TENM3: variants seen among roughly 807,000 people sequenced by gnomAD.
TENM3 encodes teneurin-3.
A neutral mutation model predicts 255.1 loss-of-function variants in TENM3; 63 were observed. That is an observed-to-expected ratio of 0.25 (90% confidence interval 0.20 to 0.30). The LOEUF is 0.30. TENM3 is among the 10% of genes least tolerant of loss of function. The pLI is 1.00. For synonymous variants in TENM3, 1,306 were observed against 1,322.3 expected, an observed-to-expected ratio of 0.99 and a Z score of 0.27; for missense variants, 2,929 against 3,461.1, an observed-to-expected ratio of 0.85 and a Z score of 3.86.
Position 182,357,266 on chromosome 4 carries a change from A to G in TENM3, c.511+10337A>G, listed in dbSNP as rs867694774. ...GATGGCTGGGTCAAATGGTATTTCT[A>G]GTTCTAGATCCCTGAGGAATCGCCA... is the stretch of plus-strand genomic sequence containing the variant. On this transcript the variant is annotated intron_variant, in intron 3 of 27. Transcript: ENST00000511685. Among the ~76,000 whole-genome samples, 771 of 151,528 alleles carry G rather than the reference A, an allele frequency of 5.1e-3. 8 individuals carry two copies. The highest frequency in any genetic ancestry group is 0.014 in the African/African-American group (569 of 41,266).
the TENM3 span, among the ~76,000 whole-genome samples, chr4:182,066,838 G>A: frequency 1.3e-5 from 2 of 152,080 alleles, no homozygotes; most frequent in Non-Finnish European, 2.9e-5. Context: ...GTGAACCCGG[G>A]AGGCGGAGCT....
At chr4:181,938,538 T>G in the TENM3 span, among the ~76,000 whole-genome samples, 1 of 152,224 alleles carries the variant, frequency 6.6e-6, no homozygotes, top group Non-Finnish European at 1.5e-5. Flanking sequence ...AGTGACAGTA[T>G]CACTTAGTAG....
the TENM3 span, among the ~76,000 whole-genome samples, chr4:181,544,299 A>G: frequency 6.6e-6 from 1 of 151,330 alleles, no homozygotes; most frequent in African/African-American, 2.4e-5. Context: ...AAAATAAACG[A>G]ATTTCTGATC....
chr4:182,364,541 C>T (rs1338136322), intron 3 of TENM3, among the ~76,000 whole-genome samples: 1 of 152,048 alleles, frequency 6.6e-6, no homozygotes, highest in Non-Finnish European at 1.5e-5. Context: ...CTCAGCCTCC[C>T]GAGTAGCTGG....
intron 5 of TENM3, among the ~76,000 whole-genome samples, chr4:182,632,108 T>C (rs1454713375): frequency 3.3e-5 from 5 of 152,208 alleles, no homozygotes; most frequent in African/African-American, 1.2e-4. Context: ...CATGTACATA[T>C]ACAGCTAGAG....
the TENM3 span, among the ~76,000 whole-genome samples, chr4:181,938,725 TG>T: frequency 6.6e-6 from 1 of 152,214 alleles, no homozygotes; most frequent in Non-Finnish European, 1.5e-5. Flanking sequence ...TCTTGTGCCC[TG>T]GAGAATTAGG....
chr4:181,695,550 A>T, the TENM3 span, among the ~76,000 whole-genome samples: 1 of 152,242 alleles, frequency 6.6e-6, no homozygotes, highest in African/African-American at 2.4e-5. Context: ...TTCCACTGGC[A>T]TGTTCTCTCC....
chr4:182,315,737 T>C (rs1762718315), intron 1 of TENM3, among the ~76,000 whole-genome samples: 1 of 152,212 alleles, frequency 6.6e-6, no homozygotes, highest in East Asian at 1.9e-4. Context: ...TATATTGGTC[T>C]CTTAAAGTAG....
chr4:181,641,788 T>C, the TENM3 span, among the ~76,000 whole-genome samples: 1 of 104,430 alleles, frequency 9.6e-6, no homozygotes, highest in East Asian at 2.7e-4. Flanking sequence ...ACACACCATA[T>C]ATATATACAC....
chr4:181,893,813 T>C, the TENM3 span, among the ~76,000 whole-genome samples: 1 of 152,160 alleles, frequency 6.6e-6, no homozygotes, highest in African/African-American at 2.4e-5. Flanking sequence ...TCCCACACTA[T>C]ACAGAGCCAT....
chr4:182,072,920 G>A, the TENM3 span, among the ~76,000 whole-genome samples: 1 of 152,124 alleles, frequency 6.6e-6, no homozygotes, highest in Non-Finnish European at 1.5e-5. Flanking sequence ...TGTAATTAAG[G>A]TGAAATGAGA....
At chr4:181,783,642 T>A in the TENM3 span, among the ~76,000 whole-genome samples, 1 of 152,330 alleles carries the variant, frequency 6.6e-6, no homozygotes, top group East Asian at 1.9e-4. Flanking sequence ...ATATTGAATT[T>A]TCTGAACCAA....
chr4:182,079,411 G>C, the TENM3 span, among the ~76,000 whole-genome samples: 3,992 of 152,170 alleles, frequency 0.026, 81 homozygotes, highest in Non-Finnish European at 0.04. Flanking sequence ...AGCTACTCAG[G>C]AGGCTGAGGC....
At chr4:182,083,883 T>C in the TENM3 span, among the ~76,000 whole-genome samples, 2 of 152,058 alleles carry the variant, frequency 1.3e-5, no homozygotes, top group Non-Finnish European at 2.9e-5. Flanking sequence ...CCTGGGGAGA[T>C]CTGTAGGAAA....
chr4:182,030,506 A>G, the TENM3 span, among the ~76,000 whole-genome samples: 1 of 152,152 alleles, frequency 6.6e-6, no homozygotes, highest in East Asian at 1.9e-4. Flanking sequence ...GGTTGATTCC[A>G]TGTTTTTGCT....
the TENM3 span, among the ~76,000 whole-genome samples, chr4:181,493,100 G>A: frequency 6.6e-6 from 1 of 151,794 alleles, no homozygotes; most frequent in African/African-American, 2.4e-5. Flanking sequence ...AGGTGTGCAG[G>A]GATTATCTTC....
the TENM3 span, among the ~76,000 whole-genome samples, chr4:181,945,476 G>T: frequency 6.6e-6 from 1 of 152,052 alleles, no homozygotes; most frequent in Non-Finnish European, 1.5e-5. Context: ...ATTGGCCTAA[G>T]GCTATTTAAC....
In TENM3 at chr4:182,751,916, A is replaced by C. The variant is rs1487454333; in HGVS notation, c.3746A>C (p.Asp1249Ala). 1 of 1,613,774 alleles carries C rather than the reference A, an allele frequency of 6.2e-7. No individual in the cohort carries two copies. The highest frequency in any genetic ancestry group is 8.5e-7 in the Non-Finnish European group (1 of 1,179,890). Reference protein sequence around the residue: ...YRPKSLTGAKDLTKNAEVVAG... With the variant: ...YRPKSLTGAKALTKNAEVVAG... The stretch of plus-strand genomic sequence containing the variant: ...CCAAAGTCACTTACGGGGGCAAAAG[A>C]CTTGACTAAAAATGCAGAAGTCGTC... The change falls in exon 20 of 28, where the codon GAC becomes GCC. Residue 1249 changes from aspartate (D) to alanine (A), a missense_variant. Around this residue, in one of 6 missense-constraint regions of TENM3, gnomAD observed 1,608 missense variants for 1,884.4 expected, o/e 0.85. Coordinates refer to ENST00000511685, the MANE Select transcript of TENM3 (RefSeq NM_001080477.4).
chr4:182,325,328 T>C (rs968345545), intron 2 of TENM3, among the ~76,000 whole-genome samples: 8 of 152,224 alleles, frequency 5.3e-5, no homozygotes, highest in Non-Finnish European at 8.8e-5. Context: ...CCCTGCATTG[T>C]GCAAAGAGCC....
Sources: gnomAD v4.1 joint callset for allele counts (sites outside exome capture counted in the v4.1 genomes callset) on GRCh38, gnomAD v4.1.1 for gene constraint, gnomAD v4.1.1 regional missense constraint, MANE v1.5 for transcripts, NCBI Gene and HGNC (gene_info 2026-07-23, HGNC 2026-07-21) for gene names.